The following CYP2C19 variants were observed in gnomAD, a reference collection of about 807,000 sequenced individuals.
CYP2C19 encodes the protein cytochrome P450 2C19.
Under a neutral mutation model 40.9 loss-of-function variants are expected in CYP2C19, and 59 were observed. The observed-to-expected ratio is 1.44, with a 90% CI of 1.17 to 1.79. The LOEUF (loss-of-function observed/expected upper bound fraction) is 1.79, where lower values mean the gene tolerates loss of function less well. Among genes scored for constraint, CYP2C19 ranks in the 40% most tolerant of loss-of-function variants. The pLI is 0.00. For missense variants in CYP2C19, 754 were observed against 596.9 expected (o/e 1.26, Z -2.74); for synonymous variants, 253 against 208.7 (o/e 1.21, Z -1.83).
intron 5 of CYP2C19, among the ~76,000 whole-genome samples, chr10:94,811,832 T>C (rs1053205210): frequency 3.3e-5 from 5 of 152,052 alleles, no homozygotes; most frequent in Non-Finnish European, 7.4e-5. Flanking sequence ...TCTATCCAAT[T>C]TGCCAGTCTG....
At position 94,768,763 on chromosome 10, in the gene CYP2C19, C is replaced by T. The variant is rs549342109; in HGVS notation, c.168+5890C>T. ...TATACCACTGGTTGTGGGGTTGTTT[C>T]ACGAGTCTGAGTAAGGACTCCAAGA... On this transcript the variant is annotated intron_variant, in intron 1 of 8. Transcript: ENST00000371321. Among the ~76,000 whole-genome samples, 16 of 152,268 alleles carry T rather than the reference C, an allele frequency of 1.1e-4. No homozygotes were observed. In the South Asian group the frequency reaches 3.3e-3, roughly 32 times the overall value.
intron 3 of CYP2C19, 157 bp downstream of exon 3, chr10:94,775,696 G>T: frequency 7.9e-7 from 1 of 1,267,524 alleles, no homozygotes; most frequent in South Asian, 1.3e-5. Context: ...AAGGGAATTT[G>T]CACATGTTTG....
chr10:94,820,722 G>C (rs557466494), intron 6 of CYP2C19, 85 bp downstream of exon 6: 1 of 1,541,368 alleles, frequency 6.5e-7, no homozygotes, highest in Non-Finnish European at 8.9e-7. Flanking sequence ...GTTTCTCTTA[G>C]AGAAGTTCCA....
At chr10:94,841,166 T>A (rs967658370) in intron 6 of CYP2C19, among the ~76,000 whole-genome samples, 1 of 152,142 alleles carries the variant, frequency 6.6e-6, no homozygotes, top group Non-Finnish European at 1.5e-5. Flanking sequence ...GGCCATGCAG[T>A]GAGTGTTATA....
intron 6 of CYP2C19, among the ~76,000 whole-genome samples, chr10:94,829,733 G>A (rs1035000003): frequency 4.6e-5 from 7 of 151,768 alleles, no homozygotes; most frequent in African/African-American, 1.7e-4. Flanking sequence ...GAGGCGCTCT[G>A]CTTTTTAGAG....
chr10:94,797,817 C>T (rs1022098758), intron 5 of CYP2C19, among the ~76,000 whole-genome samples: 4 of 152,022 alleles, frequency 2.6e-5, no homozygotes, highest in Admixed American at 2.6e-4. Flanking sequence ...GTTTGTATTT[C>T]TCTGTGATTG....
chr10:94,814,256 T>G (rs916703360), intron 5 of CYP2C19, among the ~76,000 whole-genome samples: 36 of 151,930 alleles, frequency 2.4e-4, no homozygotes, highest in African/African-American at 7.8e-4. Flanking sequence ...CCCTCCTGAT[T>G]GAGTTTCTTT....
rs369901889 is a variant in CYP2C19 at position 94,780,587 on chromosome 10, A to G, written c.570A>G (p.Lys190=). 11 of 1,613,920 alleles carry G rather than the reference A, an allele frequency of 6.8e-6. No individual in the cohort carries two copies. Among genetic ancestry groups the G allele is most frequent in the Non-Finnish European group, 9.3e-6 (11 of 1,179,920 alleles). ...TTTTCCAGAAACGTTTCGATTATAA[A>G]GATCAGCAATTTCTTAACTTGATGG... The part of the protein sequence containing the change: ...SIIFQKRFDY[K]DQQFLNLMEK... Residue 190 remains lysine (K), a synonymous_variant, in exon 4 of 9, where the codon AAA becomes AAG. Transcript: ENST00000371321.
chr10:94,802,745 T>C (rs540829570), intron 5 of CYP2C19, among the ~76,000 whole-genome samples: 7 of 152,198 alleles, frequency 4.6e-5, no homozygotes, highest in Non-Finnish European at 8.8e-5. Flanking sequence ...CCATATTTAG[T>C]GCTTCCTTCA....
intron 5 of CYP2C19, among the ~76,000 whole-genome samples, chr10:94,785,136 A>G (rs373432779): frequency 6.5e-4 from 99 of 152,148 alleles, no homozygotes; most frequent in African/African-American, 2.3e-3. Flanking sequence ...CACATTCCTA[A>G]TTATATTTTT....
chr10:94,800,330 G>A (rs903119921), intron 5 of CYP2C19, among the ~76,000 whole-genome samples: 12 of 152,324 alleles, frequency 7.9e-5, no homozygotes, highest in East Asian at 5.8e-4. Context: ...TATAACCAGC[G>A]GAGGCTGCAG....
intron 7 of CYP2C19, 90 bp from the exon 8 acceptor site, chr10:94,849,827 C>A: frequency 6.8e-7 from 1 of 1,480,804 alleles, no homozygotes; most frequent in Non-Finnish European, 9.4e-7. Context: ...ATCATCTGTA[C>A]ATCAAAAGAT....
At position 94,849,897 on chromosome 10, in the gene CYP2C19, C is replaced by T. The variant is rs368303159; in HGVS notation, c.1150-20C>T. On this transcript the variant is annotated intron_variant, in intron 7 of 8. Transcript: ENST00000371321. ...CGTGACTTCTTTACAGCTCAGTTCACCTATGTCTCTTGTTTCTAGGGCACA... is the reference window on the plus strand; with the variant it reads ...CGTGACTTCTTTACAGCTCAGTTCATCTATGTCTCTTGTTTCTAGGGCACA... 39 of 1,613,342 alleles carry T rather than the reference C, an allele frequency of 2.4e-5. No homozygotes were observed. In the African/African-American group the frequency reaches 4.1e-4, roughly 17 times the overall value.
intron 5 of CYP2C19, among the ~76,000 whole-genome samples, chr10:94,818,880 A>G (rs1849061351): frequency 6.6e-6 from 1 of 152,040 alleles, no homozygotes. Flanking sequence ...AATCCCCTTT[A>G]TTTCCTTCTC....
At chr10:94,836,298 C>A (rs1849402247) in intron 6 of CYP2C19, among the ~76,000 whole-genome samples, 2 of 152,214 alleles carry the variant, frequency 1.3e-5, no homozygotes, top group Non-Finnish European at 2.9e-5. Flanking sequence ...ACCATGAGGC[C>A]AACCCTTTGC....
At chr10:94,800,642 A>G (rs150778851) in intron 5 of CYP2C19, among the ~76,000 whole-genome samples, 1,970 of 152,286 alleles carry the variant, frequency 0.013, 22 homozygotes, top group Non-Finnish European at 0.021. Flanking sequence ...CTATAGAGGC[A>G]GTAGGCCTTG....
rs1463593054 is a variant in CYP2C19, at chr10:94,853,778, C to G, written c.*864C>G. 6.6e-6 allele frequency among the ~76,000 whole-genome samples: 1 copy of G among 151,908 alleles called. No homozygotes were observed. The highest frequency in any genetic ancestry group is 1.5e-5 in the Non-Finnish European group (1 of 67,982). ...AGCCAGGATGATCTCAATCTGCTGA[C>G]CTCCTGATCTGCCTGCCTCAGCCTC... is the stretch of plus-strand genomic sequence containing the variant. On this transcript the variant is annotated 3_prime_UTR_variant, in exon 9 of 9. Transcript: ENST00000371321.
At chr10:94,766,330 A>T (rs551910329) in intron 1 of CYP2C19, among the ~76,000 whole-genome samples, 57 of 152,174 alleles carry the variant, frequency 3.7e-4, no homozygotes, top group African/African-American at 1.3e-3. Flanking sequence ...AGCAGGAGGG[A>T]TAGATAGGCA....
At chr10:94,850,915 A>T (rs1363334627) in intron 8 of CYP2C19, among the ~76,000 whole-genome samples, 3 of 152,190 alleles carry the variant, frequency 2.0e-5, no homozygotes, top group Admixed American at 2.0e-4. Flanking sequence ...TGATCTCCAC[A>T]CGTGAAATGT....
Sources: gnomAD v4.1 joint callset for allele counts (sites outside exome capture counted in the v4.1 genomes callset) on GRCh38, gnomAD v4.1.1 for gene constraint, MANE v1.5 for transcripts, NCBI Gene and HGNC (gene_info 2026-07-23, HGNC 2026-07-21) for gene names.